FRAS1: variants seen among roughly 807,000 people sequenced by gnomAD.
FRAS1 encodes the protein Fraser extracellular matrix complex subunit 1, also known as extracellular matrix organizing protein FRAS1.
Under a neutral mutation model 435.2 loss-of-function variants are expected in FRAS1, and 290 were observed. The ratio of observed to expected loss-of-function variants is 0.67; its 90% CI spans 0.61 to 0.73. FRAS1 has a LOEUF of 0.73. FRAS1 is among the 30% of genes least tolerant of loss of function. FRAS1 has a pLI of 0.00. For missense variants in FRAS1, 4,860 were observed against 5,001.5 expected (o/e 0.97, Z 0.85); for synonymous variants, 1,800 against 1,851.0 (o/e 0.97, Z 0.71).
At chr4:78,131,410 T>A (rs769453155) in intron 2 of FRAS1, among the ~76,000 whole-genome samples, 1 of 152,206 alleles carries the variant, frequency 6.6e-6, no homozygotes, top group Non-Finnish European at 1.5e-5. Flanking sequence ...GTCCTCCTCC[T>A]CTTGATTCTC....
Position 78,364,123 on chromosome 4 carries a change from T to A in FRAS1, c.2722+69T>A, listed in dbSNP as rs575876254. 1.0e-4 allele frequency: 154 copies of A among 1,489,654 alleles called. No individual in the cohort carries two copies. The African/African-American group carries it at 2.1e-3, about 20-fold the overall frequency. 92.3% of individuals were successfully genotyped at this position (1,489,654 alleles called of 1,614,324 possible). A position where few individuals can be genotyped will look rare whatever the true frequency, so the allele number is the denominator to read the frequency against. ...GCCTTTCTGGAGCCATTGAAAGAAA[T>A]GCGAGGTTCTTACTTCCATCTTCTC... On this transcript the variant is annotated intron_variant, in intron 22 of 73. Coordinates refer to ENST00000512123, the MANE Select transcript of FRAS1 (RefSeq NM_025074.7).
chr4:78,506,400 C>T (rs1309505765), intron 61 of FRAS1, among the ~76,000 whole-genome samples: 1 of 152,220 alleles, frequency 6.6e-6, no homozygotes, highest in Non-Finnish European at 1.5e-5. Flanking sequence ...CTGTGGTGGG[C>T]TCCCCCCAGT....
At chr4:78,108,847 C>T (rs188776208) in intron 2 of FRAS1, among the ~76,000 whole-genome samples, 2,329 of 128,396 alleles carry the variant, frequency 0.018, 412 homozygotes, top group South Asian at 0.031. Context: ...ATTGATAGAC[C>T]GCTAGCAAGA....
rs745887025 is a variant in FRAS1, at chr4:78,488,979, G to T, written c.8857G>T (p.Val2953Leu). The change falls in exon 59 of 74, where the codon GTG becomes TTG. Residue 2953 changes from valine (V) to leucine (L), a missense_variant. By Grantham distance (32) the Val-to-Leu change is conservative. Coordinates refer to ENST00000512123, the MANE Select transcript of FRAS1 (RefSeq NM_025074.7). ...CGGAGACCTGAGCTATGAGTCATCA[G>T]TGAGGTGCTATACTCAGAGCCATTC... ...RSGDLSYESS[V>L]RCYTQSHSAQ... is the part of the protein sequence containing the mutation. 5.8e-5 allele frequency: 93 copies of T among 1,613,672 alleles called. No homozygotes were observed. The highest frequency in any genetic ancestry group is 7.5e-5 in the Non-Finnish European group (89 of 1,179,790).
chr4:78,274,335 G>A (rs1726882468), intron 9 of FRAS1, among the ~76,000 whole-genome samples: 1 of 152,118 alleles, frequency 6.6e-6, no homozygotes, highest in South Asian at 2.1e-4. Context: ...TGTGATCTTA[G>A]TTATTTCTTG....
At chr4:78,504,547 CT>C (rs1178030690) in intron 61 of FRAS1, among the ~76,000 whole-genome samples, 3 of 152,150 alleles carry the variant, frequency 2.0e-5, no homozygotes, top group Non-Finnish European at 4.4e-5. Flanking sequence ...GCAACCCCTG[CT>C]TTTTTTCTTT....
intron 14 of FRAS1, among the ~76,000 whole-genome samples, chr4:78,289,819 C>T (rs1727798221): frequency 6.6e-6 from 1 of 152,136 alleles, no homozygotes. Context: ...ATGCTCCTTG[C>T]TCCCCCTCCC....
intron 2 of FRAS1, among the ~76,000 whole-genome samples, chr4:78,153,213 A>G (rs1346129116): frequency 6.6e-6 from 1 of 151,148 alleles, no homozygotes; most frequent in Non-Finnish European, 1.5e-5. Context: ...CCCACCCCTC[A>G]CCCTCTGCCT....
intron 2 of FRAS1, among the ~76,000 whole-genome samples, chr4:78,220,692 G>C (rs529962506): frequency 6.6e-6 from 1 of 152,318 alleles, no homozygotes; most frequent in Non-Finnish European, 1.5e-5. Flanking sequence ...CATTCAGACA[G>C]TAAATCTTCT....
At chr4:78,063,504 CA>C (rs1383020331) in intron 1 of FRAS1, among the ~76,000 whole-genome samples, 1 of 152,170 alleles carries the variant, frequency 6.6e-6, no homozygotes, top group African/African-American at 2.4e-5. Context: ...TTGTACAATA[CA>C]AAGCAACCCA....
intron 2 of FRAS1, among the ~76,000 whole-genome samples, chr4:78,205,399 G>T (rs141067591): frequency 1.3e-5 from 2 of 152,110 alleles, no homozygotes; most frequent in Non-Finnish European, 2.9e-5. Context: ...TCACTTTGTT[G>T]CCAAGGCTCA....
At chr4:78,440,335 C>T (rs547798493) in intron 40 of FRAS1, among the ~76,000 whole-genome samples, 6 of 152,298 alleles carry the variant, frequency 3.9e-5, no homozygotes, top group African/African-American at 1.4e-4. Context: ...CCCGGCCAAA[C>T]TAAGTCATTT....
chr4:78,358,188 T>G (rs550978834), intron 20 of FRAS1, among the ~76,000 whole-genome samples: 6 of 150,590 alleles, frequency 4.0e-5, no homozygotes, highest in Non-Finnish European at 8.9e-5. Context: ...TTGAATGTTT[T>G]TGTTGTTTCA....
intron 29 of FRAS1, among the ~76,000 whole-genome samples, chr4:78,387,946 C>T (rs532978079): frequency 1.4e-4 from 22 of 152,214 alleles, no homozygotes; most frequent in African/African-American, 4.6e-4. Flanking sequence ...GCCATAAGAA[C>T]GTGTTATTAT....
chr4:78,086,325 A>G (rs975549587), intron 2 of FRAS1, among the ~76,000 whole-genome samples: 1 of 152,244 alleles, frequency 6.6e-6, no homozygotes, highest in Admixed American at 6.5e-5. Flanking sequence ...AGAAAGCAGG[A>G]AAGATCCAAA....
chr4:78,278,713 G>T lies in FRAS1; in HGVS notation c.1040G>T (p.Gly347Val). The change falls in exon 10 of 74, where the codon GGT (glycine) becomes GTT (valine). Residue 347 changes from glycine (G) to valine (V), a missense_variant. Coordinates refer to ENST00000512123, the MANE Select transcript of FRAS1 (RefSeq NM_025074.7). ...TGTCCTGAATGCATTTCAAGGAATGGTTATTGTGTTTATGAAGAAACTGGA... is the reference window on the plus strand; with the variant it reads ...TGTCCTGAATGCATTTCAAGGAATGTTTATTGTGTTTATGAAGAAACTGGA... ...KCCPECISRN[G>V]YCVYEETGEF... 6.2e-7 allele frequency: 1 copy of T among 1,604,346 alleles called. No homozygotes were observed. Among genetic ancestry groups the T allele is most frequent in the South Asian group, 1.1e-5 (1 of 90,282 alleles).
At chr4:78,091,499 T>C (rs1177674939) in intron 2 of FRAS1, among the ~76,000 whole-genome samples, 1 of 152,182 alleles carries the variant, frequency 6.6e-6, no homozygotes, top group African/African-American at 2.4e-5. Context: ...TAGGGTGGAA[T>C]GAATGGGCCA....
intron 2 of FRAS1, among the ~76,000 whole-genome samples, chr4:78,233,235 G>A (rs1724590852): frequency 6.6e-6 from 1 of 152,212 alleles, no homozygotes; most frequent in Non-Finnish European, 1.5e-5. Context: ...GCTTAAGGGA[G>A]CACATAAAAG....
At chr4:78,135,423 A>C (rs749441461) in intron 2 of FRAS1, among the ~76,000 whole-genome samples, 13 of 152,200 alleles carry the variant, frequency 8.5e-5, no homozygotes, top group Non-Finnish European at 1.6e-4. Context: ...TCATAGGGAC[A>C]TCATTTGAAA....
Sources: gnomAD v4.1 joint callset for allele counts (sites outside exome capture counted in the v4.1 genomes callset) on GRCh38, gnomAD v4.1.1 for gene constraint, MANE v1.5 for transcripts, NCBI Gene and HGNC (gene_info 2026-07-23, HGNC 2026-07-21) for gene names.